The following PCGF3 variants were observed in gnomAD, a reference collection of about 807,000 sequenced individuals.
The protein encoded by PCGF3 is polycomb group ring finger 3, also known as polycomb group RING finger protein 3.
Under a neutral mutation model 33.1 loss-of-function variants are expected in PCGF3, and 7 were observed. The observed-to-expected ratio is 0.21, with a 90% CI of 0.12 to 0.40. The LOEUF (loss-of-function observed/expected upper bound fraction) is 0.40. Among genes scored for constraint, PCGF3 ranks in the 10% least tolerant of loss-of-function variants. PCGF3 has a pLI of 1.00. For synonymous variants in PCGF3, 153 were observed against 121.3 expected, an observed-to-expected ratio of 1.26 and a Z score of -1.72; for missense variants, 211 against 313.3, an observed-to-expected ratio of 0.67 and a Z score of 2.46.
chr4:766,118 C>G, exon 11 of PCGF3: 14 of 1,591,850 alleles, frequency 8.8e-6, no homozygotes, highest in Non-Finnish European at 1.2e-5. Context: ...GCCCTCGCAC[C>G]CTTGGGTGCT....
intron 1 of PCGF3, among the ~76,000 whole-genome samples, chr4:719,069 C>T (rs530264518): frequency 6.6e-6 from 1 of 152,174 alleles, no homozygotes; most frequent in Admixed American, 6.5e-5. Flanking sequence ...TTTCTCCTGC[C>T]TCAGGCTCCT....
In PCGF3 at chr4:766,025, C is replaced by T. The variant is rs201725659; in HGVS notation, c.682-7C>T. 3.3e-5 allele frequency: 54 copies of T among 1,613,912 alleles called. No individual in the cohort carries two copies. The highest frequency in any genetic ancestry group is 3.0e-4 in the Admixed American group (18 of 60,036). ...AAGCAGGCACTGTGCGTTCTTGTGTCTTCCAGAAGGCGCCGCTCCTGCTGC... is the reference window on the plus strand; with the variant it reads ...AAGCAGGCACTGTGCGTTCTTGTGTTTTCCAGAAGGCGCCGCTCCTGCTGC... On this transcript the variant is annotated splice_region_variant and splice_polypyrimidine_tract_variant and intron_variant, in intron 10 of 10. Transcript: ENST00000362003.
rs1167930675 is a variant in PCGF3, at chr4:720,857, C to CT, written c.-189-9772dup. On this transcript the variant is annotated intron_variant, in intron 1 of 10. Coordinates refer to ENST00000362003, the Ensembl canonical transcript of PCGF3. This position sits in a 1 kb window ranked among gnomAD's most constrained non-coding sequence, Gnocchi z 5.6. ...AGGAGGACATGTCAGACTTCTGTCTCTAAGATACTGCTCAGACTTGTGTGG... is the reference window on the plus strand; with the variant it reads ...AGGAGGACATGTCAGACTTCTGTCTCTTAAGATACTGCTCAGACTTGTGTGG... Among the ~76,000 whole-genome samples the CT allele has an allele frequency of 1.3e-5, 2 of 152,154 alleles. No homozygotes were observed. The highest frequency in any genetic ancestry group is 2.4e-5 in the African/African-American group (1 of 41,430).
At chr4:743,748 C>T (rs1191048416) in intron 7 of PCGF3, 164 bp downstream of exon 7, 1 of 563,424 alleles carries the variant, frequency 1.8e-6, no homozygotes, top group Non-Finnish European at 3.2e-6. Context: ...TTCCTCCTCA[C>T]TCCTGGTACC....
At chr4:737,856 C>T (rs369575440) in intron 6 of PCGF3, among the ~76,000 whole-genome samples, 210 of 152,360 alleles carry the variant, frequency 1.4e-3, no homozygotes, top group South Asian at 0.011. Context: ...GCCTGCCTCC[C>T]CTCATCCCAC....
At chr4:727,713 G>T (rs1384245462) in intron 1 of PCGF3, among the ~76,000 whole-genome samples, 2 of 151,718 alleles carry the variant, frequency 1.3e-5, no homozygotes, top group South Asian at 2.1e-4. Context: ...TGTCAAGAAT[G>T]ATTATCTTTT....
chr4:714,318 G>A (rs950250737), intron 1 of PCGF3, among the ~76,000 whole-genome samples: 2 of 152,148 alleles, frequency 1.3e-5, no homozygotes, highest in African/African-American at 4.8e-5. Context: ...AGACCCACTC[G>A]TGGCCGTTCG....
intron 1 of PCGF3, among the ~76,000 whole-genome samples, chr4:707,040 T>C (rs72501957): frequency 0.039 from 5,872 of 150,802 alleles, 150 homozygotes; most frequent in East Asian, 0.094. Flanking sequence ...GGGCTGGGTC[T>C]TCAGACCAGG....
intron 5 of PCGF3, among the ~76,000 whole-genome samples, chr4:736,548 G>A (rs1475517682): frequency 7.7e-6 from 1 of 129,838 alleles, no homozygotes; most frequent in African/African-American, 3.0e-5. Flanking sequence ...GGGAACCTGG[G>A]GTGTCCGCAG....
At chr4:707,599 T>C (rs4690291) in intron 1 of PCGF3, among the ~76,000 whole-genome samples, 23,086 of 56,036 alleles carry the variant, frequency 0.41, 7,088 homozygotes, top group Admixed American at 0.59. Context: ...GGGTCGGGAC[T>C]CTGGGACAGC....
In PCGF3 at chr4:747,641, C is replaced by T. The variant is rs1160697661; in HGVS notation, c.462+2953C>T. On this transcript the variant is annotated intron_variant, in intron 8 of 10. Transcript: ENST00000362003. ...GCAGTGTTAGTGCTCGCCGTGGAGG[C>T]GTGAGCAGGTGGGCGGGGCCCCGGG... Among the ~76,000 whole-genome samples the T allele has an allele frequency of 5.2e-5, 5 of 97,058 alleles. No individual in the cohort carries two copies. The South Asian group carries it at 2.1e-3, about 40-fold the overall frequency. The allele number at this position is 97,058 out of a possible 152,430, so 63.7% of individuals were successfully genotyped here.
chr4:708,987 C>G (rs1274497572), intron 1 of PCGF3, among the ~76,000 whole-genome samples: 1 of 152,186 alleles, frequency 6.6e-6, no homozygotes, highest in African/African-American at 2.4e-5. Context: ...TTATCAAAAA[C>G]TTGTGGGTGT....
chr4:713,660 C>T (rs1353192280), intron 1 of PCGF3, among the ~76,000 whole-genome samples: 3 of 152,146 alleles, frequency 2.0e-5, no homozygotes, highest in Admixed American at 6.5e-5. Context: ...TTGATCAGGG[C>T]GTGGCCCGTA....
chr4:731,375 G>C (rs369771021), intron 3 of PCGF3: 1 of 396,654 alleles, frequency 2.5e-6, no homozygotes, highest in Non-Finnish European at 4.4e-6. Flanking sequence ...CCGGCGTGTC[G>C]CTGAGGAGCA....
rs113593280 is a variant in PCGF3, at chr4:736,576, C to T, written c.207-890C>T. On this transcript the variant is annotated intron_variant, in intron 5 of 10. Coordinates refer to ENST00000362003, the Ensembl canonical transcript of PCGF3. Reference sequence around the variant, plus strand: ...GTCCGCAGGGACGGTGTCCCCTGAGCGCACAGGATGCAGGGAACCTGGGGT... The same window carrying T: ...GTCCGCAGGGACGGTGTCCCCTGAGTGCACAGGATGCAGGGAACCTGGGGT... 7.1e-5 allele frequency among the ~76,000 whole-genome samples: 8 copies of T among 113,268 alleles called. 2 individuals are homozygous for T. Among genetic ancestry groups the T allele is most frequent in the African/African-American group, 2.2e-4 (6 of 27,088 alleles). The allele number at this position is 113,268 out of a possible 152,430, so 74.3% of individuals were successfully genotyped here.
At chr4:707,185 A>T (rs1358600471) in intron 1 of PCGF3, among the ~76,000 whole-genome samples, 1 of 148,392 alleles carries the variant, frequency 6.7e-6, no homozygotes, top group Non-Finnish European at 1.5e-5. Flanking sequence ...ATGGGTCACC[A>T]AGGAGGGTCG....
chr4:710,352 G>A (rs1265614940), intron 1 of PCGF3, among the ~76,000 whole-genome samples: 1 of 152,250 alleles, frequency 6.6e-6, no homozygotes, highest in African/African-American at 2.4e-5. Flanking sequence ...CAGGAAGGAC[G>A]TCCCAGTGTT....
chr4:732,943 G>T (rs1209002318), intron 3 of PCGF3, among the ~76,000 whole-genome samples: 3 of 152,196 alleles, frequency 2.0e-5, no homozygotes, highest in African/African-American at 7.2e-5. Context: ...CCTCCCCGAA[G>T]GCGCAGGTCT....
At position 737,588 on chromosome 4, in the gene PCGF3, G is replaced by A. The variant is rs1422430063; in HGVS notation, c.262+67G>A. The A allele has an allele frequency of 1.3e-5, 13 of 1,017,994 alleles. No individual in the cohort carries two copies. The Middle Eastern group carries it at 1.5e-3, about 114-fold the overall frequency. 63.1% of individuals were successfully genotyped at this position (1,017,994 alleles called of 1,614,324 possible). ...TGGCCTCTGCAGCCCCTGCTCTCCTGGAAGTTTGGTTCTCGGATGGGAGGC... is the reference window on the plus strand; with the variant it reads ...TGGCCTCTGCAGCCCCTGCTCTCCTAGAAGTTTGGTTCTCGGATGGGAGGC... On this transcript the variant is annotated intron_variant, in intron 6 of 10. Transcript: ENST00000362003.
Sources: allele counts gnomAD v4.1 joint callset (sites outside exome capture counted in the v4.1 genomes callset), GRCh38; gene constraint gnomAD v4.1.1; non-coding constraint Gnocchi (gnomAD v3.1); transcripts MANE v1.5; gene names NCBI Gene and HGNC (gene_info 2026-07-23, HGNC 2026-07-21).